The following RXFP2 variants were observed in gnomAD, a reference collection of about 807,000 sequenced individuals.
RXFP2 encodes the protein relaxin family peptide receptor 2, also known as relaxin receptor 2.
In RXFP2, 68 loss-of-function variants were observed where a neutral mutation model predicts 88.6. The observed-to-expected ratio is 0.77, with a 90% CI of 0.63 to 0.94. The LOEUF (loss-of-function observed/expected upper bound fraction) is 0.94, where lower values mean the gene tolerates loss of function less well. Among genes scored for constraint, RXFP2 ranks in the 40% least tolerant of loss-of-function variants. The pLI, the probability that RXFP2 is intolerant of heterozygous loss-of-function variation, is 0.00. For synonymous variants in RXFP2, 329 were observed against 306.8 expected (o/e 1.07, Z -0.76); for missense variants, 791 against 893.9 (o/e 0.88, Z 1.47).
chr13:31,781,631 A>G (rs776757835), intron 9 of RXFP2, 40 bp from the exon 10 acceptor site: 12 of 1,426,758 alleles, frequency 8.4e-6, no homozygotes, highest in Non-Finnish European at 1.2e-5. Flanking sequence ...TATGATTTGT[A>G]CAAAAAATAT....
chr13:31,764,568 C>A (rs1014174588), intron 3 of RXFP2, among the ~76,000 whole-genome samples: 1 of 152,082 alleles, frequency 6.6e-6, no homozygotes, highest in Non-Finnish European at 1.5e-5. Flanking sequence ...ATGGTAGAAC[C>A]TGCATCTCAA....
chr13:31,772,190 A>G (rs749489173), intron 5 of RXFP2, among the ~76,000 whole-genome samples: 3 of 152,240 alleles, frequency 2.0e-5, no homozygotes, highest in Non-Finnish European at 2.9e-5. Context: ...GGAAACAAAC[A>G]GCAGTTCTCC....
intron 5 of RXFP2, 125 bp downstream of exon 5, chr13:31,766,152 T>A: frequency 1.6e-6 from 1 of 640,384 alleles, no homozygotes; most frequent in Non-Finnish European, 2.8e-6. Context: ...TAAATGTAAT[T>A]AAGATTAGAA....
At chr13:31,768,415 A>G (rs980907366) in intron 5 of RXFP2, among the ~76,000 whole-genome samples, 38 of 152,168 alleles carry the variant, frequency 2.5e-4, no homozygotes, top group Non-Finnish European at 5.1e-4. Context: ...AAGAATTCCA[A>G]TATTTGGAAT....
At chr13:31,758,660 T>C (rs1872092473) in intron 2 of RXFP2, among the ~76,000 whole-genome samples, 1 of 152,188 alleles carries the variant, frequency 6.6e-6, no homozygotes, top group Admixed American at 6.5e-5. Flanking sequence ...TATTTGAAAA[T>C]CTACTTCAAT....
chr13:31,759,375 GAGAAAGAAAGAAAGAAAGAAAGAAAGAA>G (rs71099990), intron 2 of RXFP2, among the ~76,000 whole-genome samples: 5 of 22,994 alleles, frequency 2.2e-4, no homozygotes, highest in South Asian at 1.6e-3. Flanking sequence ...CATTTGGATT[GAGAAAGAAAGAAAGAAAGAAAGAAAGAA>G]AGAAAGAAAG....
chr13:31,799,703 T>C (rs1175518581), intron 17 of RXFP2, among the ~76,000 whole-genome samples: 3 of 152,200 alleles, frequency 2.0e-5, no homozygotes, highest in Non-Finnish European at 4.4e-5. Context: ...AGATGGTCCC[T>C]CAAATTCCTG....
At chr13:31,759,058 A>G (rs1872121252) in intron 2 of RXFP2, among the ~76,000 whole-genome samples, 1 of 151,642 alleles carries the variant, frequency 6.6e-6, no homozygotes, top group South Asian at 2.1e-4. Flanking sequence ...AAAAAAAAAA[A>G]AATGCATAAA....
chr13:31,789,079 G>T, intron 13 of RXFP2, 43 bp from the exon 14 acceptor site: 1 of 1,216,316 alleles, frequency 8.2e-7, no homozygotes, highest in Non-Finnish European at 1.2e-6. Context: ...TTATTAAAAC[G>T]TTTCATCTCA....
chr13:31,753,769 G>A (rs776083977), intron 1 of RXFP2, among the ~76,000 whole-genome samples: 10 of 151,736 alleles, frequency 6.6e-5, no homozygotes, highest in Admixed American at 6.6e-4. Context: ...CTGCTGCTTT[G>A]GGAAGCTTAA....
chr13:31,776,403 G>A (rs1202592404), intron 7 of RXFP2, among the ~76,000 whole-genome samples: 1 of 150,904 alleles, frequency 6.6e-6, no homozygotes, highest in Non-Finnish European at 1.5e-5. Flanking sequence ...CTACACGTGT[G>A]AGCCACTACA....
At chr13:31,744,718 G>GTTT (rs66536064) in intron 1 of RXFP2, among the ~76,000 whole-genome samples, 1 of 129,362 alleles carries the variant, frequency 7.7e-6, no homozygotes. Context: ...GTTTGTTTTT[G>GTTT]TTTTTTTTTT....
chr13:31,796,747 G>A (rs1874068932), intron 16 of RXFP2, among the ~76,000 whole-genome samples: 1 of 152,162 alleles, frequency 6.6e-6, no homozygotes, highest in Non-Finnish European at 1.5e-5. Flanking sequence ...AATGCTTCCT[G>A]GAAGTGCCCG....
intron 2 of RXFP2, 124 bp downstream of exon 2, chr13:31,758,528 T>G (rs752193227): frequency 3.7e-5 from 42 of 1,121,094 alleles, no homozygotes; most frequent in Non-Finnish European, 5.1e-5. Context: ...GGGATTTCCT[T>G]TGAAACACAA....
At chr13:31,763,100 T>C (rs1872377821) in intron 3 of RXFP2, among the ~76,000 whole-genome samples, 1 of 135,024 alleles carries the variant, frequency 7.4e-6, no homozygotes, top group Non-Finnish European at 1.6e-5. Context: ...TTTTTTTTTT[T>C]TGAGACAGCA....
chr13:31,776,253 CTTTTTTTTTT>C (rs149978498), intron 7 of RXFP2, among the ~76,000 whole-genome samples: 2 of 84,392 alleles, frequency 2.4e-5, no homozygotes. Flanking sequence ...CTCTTTCCTT[CTTTTTTTTTT>C]TTTTTTTTTT....
At chr13:31,752,681 T>C (rs989242175) in intron 1 of RXFP2, among the ~76,000 whole-genome samples, 1 of 151,994 alleles carries the variant, frequency 6.6e-6, no homozygotes, top group Non-Finnish European at 1.5e-5. Context: ...AAGGTGGACT[T>C]TTAGTAAAAT....
intron 1 of RXFP2, among the ~76,000 whole-genome samples, chr13:31,751,018 A>C (rs1003869376): frequency 2.0e-5 from 3 of 152,158 alleles, no homozygotes; most frequent in Non-Finnish European, 2.9e-5. Flanking sequence ...AGCTGGGTGC[A>C]GTGGCTCATG....
intron 5 of RXFP2, among the ~76,000 whole-genome samples, chr13:31,770,785 C>T (rs983323578): frequency 6.6e-6 from 1 of 152,184 alleles, no homozygotes; most frequent in Non-Finnish European, 1.5e-5. Flanking sequence ...AACTCTCTGA[C>T]CACCATACCC....
Sources: allele counts gnomAD v4.1 joint callset (sites outside exome capture counted in the v4.1 genomes callset), GRCh38; gene constraint gnomAD v4.1.1; transcripts MANE v1.5; gene names NCBI Gene and HGNC (gene_info 2026-07-23, HGNC 2026-07-21).